Variants in WDR70 observed in about 807,000 individuals in gnomAD.
The protein encoded by WDR70 is WD repeat-containing protein 70.
A neutral mutation model predicts 88.6 loss-of-function variants in WDR70; 53 were observed. The ratio of observed to expected loss-of-function variants is 0.60; its 90% CI spans 0.48 to 0.75. WDR70 has a LOEUF of 0.75. Ranked by LOEUF, WDR70 falls within the 30% of genes least tolerant of loss-of-function variation. The pLI, the probability that WDR70 is intolerant of heterozygous loss-of-function variation, is 0.00. For missense variants in WDR70, 610 were observed against 823.2 expected, an observed-to-expected ratio of 0.74 and a Z score of 3.17; for synonymous variants, 280 against 270.0, an observed-to-expected ratio of 1.04 and a Z score of -0.36.
chr5:37,461,024 T>C (rs1407681703), intron 7 of WDR70, among the ~76,000 whole-genome samples: 1 of 151,880 alleles, frequency 6.6e-6, no homozygotes, highest in Non-Finnish European at 1.5e-5. Context: ...TGGGTGTTTG[T>C]TTTTATTTTG....
chr5:37,556,324 C>G (rs1054980113), intron 9 of WDR70, among the ~76,000 whole-genome samples: 3 of 152,086 alleles, frequency 2.0e-5, no homozygotes, highest in Non-Finnish European at 4.4e-5. Context: ...CTTCTAATAT[C>G]AAGGGATTGG....
intron 9 of WDR70, among the ~76,000 whole-genome samples, chr5:37,604,564 A>T (rs1013870563): frequency 6.6e-6 from 1 of 152,162 alleles, no homozygotes; most frequent in Non-Finnish European, 1.5e-5. Flanking sequence ...AGACAGGTGT[A>T]TTTCTACTTC....
At chr5:37,419,796 G>A (rs775910207) in intron 5 of WDR70, among the ~76,000 whole-genome samples, 17 of 152,028 alleles carry the variant, frequency 1.1e-4, no homozygotes, top group Non-Finnish European at 2.4e-4. Flanking sequence ...GCGACACAAC[G>A]AGACTCTGTC....
intron 7 of WDR70, among the ~76,000 whole-genome samples, chr5:37,447,896 C>T (rs1333043967): frequency 6.6e-6 from 1 of 152,060 alleles, no homozygotes; most frequent in Non-Finnish European, 1.5e-5. Flanking sequence ...TGTAACAAAC[C>T]TGCACGTTGT....
At chr5:37,540,311 C>T (rs1741779760) in intron 9 of WDR70, among the ~76,000 whole-genome samples, 1 of 152,160 alleles carries the variant, frequency 6.6e-6, no homozygotes. Context: ...AAAATATCTA[C>T]CTTCTCACAA....
In WDR70 at chr5:37,703,013, T is replaced by C. The variant is rs781303226; in HGVS notation, c.1342T>C (p.Cys448Arg). Reference protein sequence around the residue: ...IVTGTSIQRGCGSGKLVFFER... With the variant: ...IVTGTSIQRGRGSGKLVFFER... Reference sequence around the variant, plus strand: ...CACTGGTACATCTATTCAAAGAGGATGTGGCAGCGGCAAACTTGTTTTCTT... The same window carrying C: ...CACTGGTACATCTATTCAAAGAGGACGTGGCAGCGGCAAACTTGTTTTCTT... The change falls in exon 13 of 18, where the codon TGT becomes CGT. Residue 448 changes from cysteine (C) to arginine (R), a missense_variant. Cys to Arg is a radical substitution (Grantham distance 180). Around this residue, in one of 4 missense-constraint regions of WDR70, gnomAD observed 254 missense variants for 300.7 expected, o/e 0.84. Coordinates refer to ENST00000265107, the MANE Select transcript of WDR70 (RefSeq NM_018034.4). 2 of 1,613,982 alleles carry C rather than the reference T, an allele frequency of 1.2e-6. No individual in the cohort carries two copies. Among genetic ancestry groups the C allele is most frequent in the Non-Finnish European group, 1.7e-6 (2 of 1,179,854 alleles).
chr5:37,506,824 G>T, intron 8 of WDR70: 1 of 1,313,552 alleles, frequency 7.6e-7, no homozygotes, highest in South Asian at 1.2e-5. Flanking sequence ...CCGTTCTTGG[G>T]GGCTGCTGTT....
intron 10 of WDR70, among the ~76,000 whole-genome samples, chr5:37,683,762 C>T (rs13187416): frequency 0.42 from 63,566 of 151,876 alleles, 15,277 homozygotes; most frequent in Non-Finnish European, 0.54. Flanking sequence ...TTCTCTCTAG[C>T]TGCCTTTAAC....
At chr5:37,450,548 A>G (rs1004137154) in intron 7 of WDR70, among the ~76,000 whole-genome samples, 5 of 152,306 alleles carry the variant, frequency 3.3e-5, no homozygotes, top group African/African-American at 9.6e-5. Context: ...TCACTTTCCA[A>G]TGGTGAGAAA....
intron 3 of WDR70, among the ~76,000 whole-genome samples, chr5:37,384,173 C>CTTTTTTT (rs57075180): frequency 3.7e-5 from 4 of 107,872 alleles, no homozygotes; most frequent in African/African-American, 3.4e-5. Flanking sequence ...ACTTTCCCCC[C>CTTTTTTT]TTTTTTTTTT....
Position 37,650,179 on chromosome 5 carries a change from C to T in WDR70, c.1092+44941C>T, listed in dbSNP as rs1421192443. On this transcript the variant is annotated intron_variant, in intron 10 of 17. Coordinates refer to ENST00000265107, the MANE Select transcript of WDR70 (RefSeq NM_018034.4). The stretch of plus-strand genomic sequence containing the variant: ...TTGGGAGGCCAAGGTGGGTGGATCA[C>T]GAGGTCAGGAGATTGAGACCATCCT... 3.8e-4 allele frequency among the ~76,000 whole-genome samples: 57 copies of T among 150,732 alleles called. 1 individual carries two copies. The highest frequency in any genetic ancestry group is 2.1e-4 in the South Asian group (1 of 4,710).
intron 5 of WDR70, among the ~76,000 whole-genome samples, chr5:37,397,721 A>G (rs1296996041): frequency 6.6e-6 from 1 of 152,182 alleles, no homozygotes; most frequent in Non-Finnish European, 1.5e-5. Flanking sequence ...CCGGCAGGGC[A>G]TAGTGGCTCA....
rs113393062 is a variant in WDR70 at position 37,670,382 on chromosome 5, G to A, written c.1093-27273G>A. 2.9e-3 allele frequency among the ~76,000 whole-genome samples: 434 copies of A among 152,250 alleles called. 1 individual carries two copies. The highest frequency in any genetic ancestry group is 5.2e-3 in the Non-Finnish European group (355 of 68,024). On this transcript the variant is annotated intron_variant, in intron 10 of 17. Coordinates refer to ENST00000265107, the MANE Select transcript of WDR70 (RefSeq NM_018034.4). ...GTCAGTCATTTATGCTTTTCACGAT[G>A]GGAGGTGTGAGAGGCTACATTTCTC... is the stretch of plus-strand genomic sequence containing the variant.
Position 37,649,864 on chromosome 5 carries a change from A to C in WDR70, c.1092+44626A>C, listed in dbSNP as rs1453340805. Among the ~76,000 whole-genome samples the C allele has an allele frequency of 2.1e-5, 3 of 141,086 alleles. No individual in the cohort carries two copies. The East Asian group carries it at 6.3e-4, about 30-fold the overall frequency. 92.6% of individuals were successfully genotyped at this position (141,086 alleles called of 152,430 possible). ...GCCATTCTCCTGCCTCAGCCTCCCGAGTAGCTGGGACTACAGGCGCCCGCC... is the reference window on the plus strand; with the variant it reads ...GCCATTCTCCTGCCTCAGCCTCCCGCGTAGCTGGGACTACAGGCGCCCGCC... On this transcript the variant is annotated intron_variant, in intron 10 of 17. Transcript: ENST00000265107.
intron 4 of WDR70, among the ~76,000 whole-genome samples, chr5:37,393,580 G>T (rs531394185): frequency 3.3e-5 from 5 of 151,976 alleles, no homozygotes; most frequent in East Asian, 1.9e-4. Context: ...TTTGTTTCAA[G>T]AAATTAAAAA....
At chr5:37,589,135 C>G (rs1743449837) in intron 9 of WDR70, among the ~76,000 whole-genome samples, 1 of 151,944 alleles carries the variant, frequency 6.6e-6, no homozygotes, top group Admixed American at 6.6e-5. Context: ...TCAAGTGATG[C>G]TCCTGCCTCA....
chr5:37,457,609 G>A, intron 7 of WDR70, among the ~76,000 whole-genome samples: 1 of 152,126 alleles, frequency 6.6e-6, no homozygotes, highest in East Asian at 1.9e-4. Context: ...AAATGATCAG[G>A]AACAAGTTTA....
chr5:37,467,812 G>A (rs1739205204), intron 7 of WDR70, among the ~76,000 whole-genome samples: 1 of 151,470 alleles, frequency 6.6e-6, no homozygotes, highest in Non-Finnish European at 1.5e-5. Flanking sequence ...CGCCTCCCGG[G>A]TTTACGTCAT....
Position 37,701,154 on chromosome 5 carries a change from A to C in WDR70, c.1277+12A>C, listed in dbSNP as rs1385692821. 6.6e-7 allele frequency: 1 copy of C among 1,517,430 alleles called. No individual in the cohort carries two copies. The highest frequency in any genetic ancestry group is 9.1e-7 in the Non-Finnish European group (1 of 1,092,988). 94.0% of individuals were successfully genotyped at this position (1,517,430 alleles called of 1,614,324 possible). ...ACCATGTTCCCAATGTAAGTAGCAT[A>C]TTTTAAATATTTGATCAGCATAGAA... On this transcript the variant is annotated intron_variant, in intron 12 of 17. Transcript: ENST00000265107.
Sources: gnomAD v4.1 joint callset for allele counts (sites outside exome capture counted in the v4.1 genomes callset) on GRCh38, gnomAD v4.1.1 for gene constraint, gnomAD v4.1.1 regional missense constraint, MANE v1.5 for transcripts, NCBI Gene and HGNC (gene_info 2026-07-23, HGNC 2026-07-21) for gene names.